PLCL2: variants seen among roughly 807,000 people sequenced by gnomAD.
PLCL2 encodes the protein inactive phospholipase C-like protein 2.
A neutral mutation model predicts 79.6 loss-of-function variants in PLCL2; 4 were observed. That is an observed-to-expected ratio of 0.05 (90% confidence interval 0.02 to 0.11). The LOEUF is 0.11. Ranked by LOEUF, PLCL2 falls within the 10% of genes least tolerant of loss-of-function variation. The probability of loss-of-function intolerance (pLI) is 1.00; values close to 1 mark genes in which losing one functional copy is unlikely to be tolerated. For missense variants in PLCL2, 895 were observed against 1,291.0 expected (o/e 0.69, Z 4.70); for synonymous variants, 484 against 457.7 (o/e 1.06, Z -0.73).
intron 1 of PLCL2, among the ~76,000 whole-genome samples, chr3:16,931,157 AT>A (rs56965342): frequency 2.5e-4 from 37 of 147,360 alleles, no homozygotes; most frequent in African/African-American, 4.7e-4. Context: ...ATTGCCATTT[AT>A]TTTTTTTTTT....
At chr3:17,060,975 G>C (rs1040056468) in intron 4 of PLCL2, among the ~76,000 whole-genome samples, 1 of 152,140 alleles carries the variant, frequency 6.6e-6, no homozygotes, top group African/African-American at 2.4e-5. Context: ...TTTTGGGACA[G>C]CAAAGTAAAT....
chr3:16,895,151 T>C (rs1045944521), intron 1 of PLCL2, among the ~76,000 whole-genome samples: 9 of 152,054 alleles, frequency 5.9e-5, no homozygotes, highest in Admixed American at 1.3e-4. Context: ...GATATAGATA[T>C]ATGTTGAAAA....
intron 1 of PLCL2, among the ~76,000 whole-genome samples, chr3:16,969,389 G>A (rs964154542): frequency 4.6e-5 from 7 of 151,942 alleles, no homozygotes; most frequent in South Asian, 2.1e-4. Flanking sequence ...TTTCTAGTTC[G>A]TAGGCTTTTT....
intron 1 of PLCL2, among the ~76,000 whole-genome samples, chr3:16,911,241 AGACTCTGTCTC>A (rs1696874728): frequency 6.7e-6 from 1 of 149,658 alleles, no homozygotes. Flanking sequence ...CCACAGAGCA[AGACTCTGTCTC>A]AAAAAAAAAA....
At chr3:17,031,468 T>G (rs1189953084) in intron 3 of PLCL2, among the ~76,000 whole-genome samples, 1 of 152,188 alleles carries the variant, frequency 6.6e-6, no homozygotes, top group Non-Finnish European at 1.5e-5. Context: ...ACACATAAAT[T>G]TCATGCTGTC....
At chr3:17,048,004 G>T (rs1475081270) in intron 4 of PLCL2, among the ~76,000 whole-genome samples, 2 of 151,882 alleles carry the variant, frequency 1.3e-5, no homozygotes, top group East Asian at 1.9e-4. Flanking sequence ...AGAGGATGAG[G>T]CCCCGACACA....
Position 17,089,984 on chromosome 3 carries a change from T to C in PLCL2, c.*72T>C. On this transcript the variant is annotated 3_prime_UTR_variant, in exon 6 of 6. Coordinates refer to ENST00000615277, the MANE Select transcript of PLCL2 (RefSeq NM_001144382.2). The stretch of plus-strand genomic sequence containing the variant: ...TTGTAGTCAGATGGGACATTTGCTT[T>C]GCACTCACTAATGAGAATAATATTC... The C allele has an allele frequency of 1.3e-6, 2 of 1,503,090 alleles. No individual in the cohort carries two copies. Among genetic ancestry groups the C allele is most frequent in the Non-Finnish European group, 8.9e-7 (1 of 1,124,774 alleles). The allele number at this position is 1,503,090 out of a possible 1,614,324, so 93.1% of individuals were successfully genotyped here. A position where few individuals can be genotyped will look rare whatever the true frequency, so the allele number is the denominator to read the frequency against.
intron 1 of PLCL2, among the ~76,000 whole-genome samples, chr3:16,897,322 G>T (rs1696506229): frequency 6.6e-6 from 1 of 151,100 alleles, no homozygotes; most frequent in Non-Finnish European, 1.5e-5. Flanking sequence ...AAGGCCCTGG[G>T]TTGGTTATTT....
rs2064365530 is a variant in PLCL2 at position 17,014,747 on chromosome 3, T to C, written c.2854T>C (p.Ser952Pro). The change falls in exon 3 of 6, where the codon TCT (serine) becomes CCT (proline). Residue 952 changes from serine to proline, a missense_variant. By Grantham distance (74) the Ser-to-Pro change is moderately conservative (BLOSUM62 -1). Coordinates refer to ENST00000615277, the MANE Select transcript of PLCL2 (RefSeq NM_001144382.2). ...ATTCAAGGAGCTGTGTGGCCTCTCC[T>C]CTGTGGCCAATCTCATGCAGTGCAT... Reference protein sequence around the residue: ...VSFKELCGLSSVANLMQCMLA... With the variant: ...VSFKELCGLSPVANLMQCMLA... The C allele has an allele frequency of 6.2e-7, 1 of 1,614,112 alleles. No individual in the cohort carries two copies. Among genetic ancestry groups the C allele is most frequent in the East Asian group, 2.2e-5 (1 of 44,886 alleles).
At chr3:17,005,357 C>T (rs1378498634) in intron 1 of PLCL2, among the ~76,000 whole-genome samples, 1 of 136,062 alleles carries the variant, frequency 7.3e-6, no homozygotes, top group Non-Finnish European at 1.6e-5. Context: ...AAATGAGGTT[C>T]ACCTATTCCT....
chr3:16,886,696 C>CT lies in PLCL2; in HGVS notation c.327+1335dup, dbSNP rs1269484518. On this transcript the variant is annotated intron_variant, in intron 1 of 5. Coordinates refer to ENST00000615277, the MANE Select transcript of PLCL2 (RefSeq NM_001144382.2). The surrounding 1 kb of genome is among the most constrained non-coding windows in gnomAD (Gnocchi z 4.2). ...AGATAAACTAAGGAAAGTAAAGTGT[C>CT]TTTTTGCTGCATACATAGCTTTTAG... Among the ~76,000 whole-genome samples, 2 of 152,212 alleles carry CT rather than the reference C, an allele frequency of 1.3e-5. No homozygotes were observed. Among genetic ancestry groups the CT allele is most frequent in the East Asian group, 3.8e-4 (2 of 5,198 alleles).
chr3:16,970,464 T>A (rs1394530668), intron 1 of PLCL2, among the ~76,000 whole-genome samples: 42 of 136,312 alleles, frequency 3.1e-4, no homozygotes, highest in East Asian at 1.5e-3. Context: ...TCTATCATTG[T>A]TGGACATTTG....
At chr3:16,966,785 A>G (rs1014835611) in intron 1 of PLCL2, among the ~76,000 whole-genome samples, 2 of 151,780 alleles carry the variant, frequency 1.3e-5, no homozygotes, top group South Asian at 2.1e-4. Context: ...TTTCTTCTAG[A>G]TTTTCTAGTT....
intron 1 of PLCL2, among the ~76,000 whole-genome samples, chr3:16,927,098 AT>A (rs1214441266): frequency 1.3e-5 from 2 of 151,976 alleles, no homozygotes; most frequent in African/African-American, 4.8e-5. Flanking sequence ...ACACAGACTA[AT>A]TTTTTTTATA....
chr3:17,012,707 T>G (rs2064340432), intron 2 of PLCL2, among the ~76,000 whole-genome samples: 2 of 152,220 alleles, frequency 1.3e-5, no homozygotes, highest in Non-Finnish European at 2.9e-5. Context: ...TTATTAGAAG[T>G]TTAAGATAAT....
intron 1 of PLCL2, among the ~76,000 whole-genome samples, chr3:16,944,427 T>C (rs2063582226): frequency 6.6e-6 from 1 of 152,162 alleles, no homozygotes; most frequent in African/African-American, 2.4e-5. Context: ...CCCTCAAAAT[T>C]CATCTGTTGA....
At chr3:16,903,980 A>G (rs1465741701) in intron 1 of PLCL2, among the ~76,000 whole-genome samples, 2 of 152,232 alleles carry the variant, frequency 1.3e-5, no homozygotes. Context: ...GAGACTATCA[A>G]AAAAATTCAG....
intron 1 of PLCL2, among the ~76,000 whole-genome samples, chr3:16,888,026 T>C (rs1485776562): frequency 6.6e-6 from 1 of 152,144 alleles, no homozygotes; most frequent in Non-Finnish European, 1.5e-5. Context: ...GGGGTTGTAT[T>C]AGTTGAAATG....
intron 5 of PLCL2, among the ~76,000 whole-genome samples, chr3:17,082,784 A>T (rs1027428569): frequency 1.3e-5 from 2 of 152,168 alleles, no homozygotes; most frequent in Non-Finnish European, 2.9e-5. Context: ...TCACTAAGAC[A>T]TAACTTTTCG....
Sources: allele counts gnomAD v4.1 joint callset (sites outside exome capture counted in the v4.1 genomes callset), GRCh38; gene constraint gnomAD v4.1.1; non-coding constraint Gnocchi (gnomAD v3.1); transcripts MANE v1.5; gene names NCBI Gene and HGNC (gene_info 2026-07-23, HGNC 2026-07-21).